Variants in PHF14 observed in about 807,000 individuals in gnomAD.
PHF14 encodes the protein PHD finger protein 14.
PHF14 carries 55 observed loss-of-function variants against 117.9 expected under a neutral mutation model. The ratio of observed to expected loss-of-function variants is 0.47; its 90% CI spans 0.38 to 0.58. PHF14 has a LOEUF of 0.58. Among genes scored for constraint, PHF14 ranks in the 20% least tolerant of loss-of-function variants. The probability of loss-of-function intolerance (pLI) is 0.00; values close to 1 mark genes in which losing one functional copy is unlikely to be tolerated. For missense variants in PHF14, 978 were observed against 1,122.2 expected (o/e 0.87, Z 1.84); for synonymous variants, 409 against 368.6 (o/e 1.11, Z -1.26).
chr7:10,995,378 A>G (rs1161802183), intron 4 of PHF14, among the ~76,000 whole-genome samples: 1 of 147,914 alleles, frequency 6.8e-6, no homozygotes, highest in Non-Finnish European at 1.5e-5. Flanking sequence ...TGATTGGTGT[A>G]TTTACAAACC....
chr7:11,131,217 T>TA (rs1788083071), intron 17 of PHF14, among the ~76,000 whole-genome samples: 1 of 151,888 alleles, frequency 6.6e-6, no homozygotes, highest in African/African-American at 2.4e-5. Flanking sequence ...TATGGGATCA[T>TA]ATGGTAAGAG....
intron 17 of PHF14, among the ~76,000 whole-genome samples, chr7:11,122,426 C>T (rs1244641185): frequency 8.0e-6 from 1 of 124,786 alleles, no homozygotes; most frequent in Non-Finnish European, 1.7e-5. Flanking sequence ...TATATATATA[C>T]ACGTATATAT....
intron 10 of PHF14, 103 bp from the exon 11 acceptor site, chr7:11,038,656 CA>C (rs371973677): frequency 0.1 from 21,545 of 207,832 alleles, 189 homozygotes; most frequent in Admixed American, 0.12. Context: ...GACTCTGTCT[CA>C]AAAAAAAAAA....
chr7:10,999,116 C>A (rs1782767382), intron 4 of PHF14, among the ~76,000 whole-genome samples: 1 of 152,136 alleles, frequency 6.6e-6, no homozygotes, highest in Non-Finnish European at 1.5e-5. Flanking sequence ...CTCAAACAAT[C>A]TTCTTGTTTC....
intron 16 of PHF14, among the ~76,000 whole-genome samples, chr7:11,068,687 G>A (rs1785506300): frequency 1.3e-5 from 2 of 152,152 alleles, no homozygotes; most frequent in African/African-American, 4.8e-5. Flanking sequence ...TCAATGCTAT[G>A]TATATTTTAC....
At chr7:11,072,057 G>A (rs560236846) in intron 16 of PHF14, among the ~76,000 whole-genome samples, 1 of 152,304 alleles carries the variant, frequency 6.6e-6, no homozygotes, top group Admixed American at 6.5e-5. Context: ...TTGCATAGCT[G>A]TAAAGAAATA....
intron 16 of PHF14, among the ~76,000 whole-genome samples, chr7:11,066,816 C>T (rs1404216906): frequency 6.6e-6 from 1 of 152,162 alleles, no homozygotes; most frequent in Admixed American, 6.5e-5. Context: ...CTTGATTACT[C>T]AGGCTGTGGA....
At chr7:10,983,455 T>C (rs187848626) in intron 3 of PHF14, among the ~76,000 whole-genome samples, 23 of 152,326 alleles carry the variant, frequency 1.5e-4, no homozygotes, top group South Asian at 4.1e-4. Context: ...TTCTCCTTTT[T>C]ATCCCTTTAC....
At chr7:11,148,703 C>CA (rs538067601) in intron 17 of PHF14, among the ~76,000 whole-genome samples, 133 of 152,246 alleles carry the variant, frequency 8.7e-4, no homozygotes, top group African/African-American at 3.1e-3. Flanking sequence ...ACATAATAGA[C>CA]ACACATTTGT....
chr7:11,147,614 A>G (rs1436051702), intron 17 of PHF14, among the ~76,000 whole-genome samples: 1 of 151,974 alleles, frequency 6.6e-6, no homozygotes, highest in Non-Finnish European at 1.5e-5. Context: ...TTCTTGAAAC[A>G]TTTTCTTTTC....
intron 16 of PHF14, chr7:11,107,746 C>G: frequency 1.2e-6 from 1 of 836,430 alleles, no homozygotes; most frequent in Non-Finnish European, 1.4e-6. Flanking sequence ...TGTTATATCC[C>G]TATACTTTTG....
intron 4 of PHF14, 63 bp from the exon 5 acceptor site, chr7:11,013,684 G>T: frequency 8.2e-6 from 7 of 852,684 alleles, no homozygotes; most frequent in Admixed American, 3.0e-5. Context: ...TTTTTCTTTT[G>T]TGATTTTATG....
At chr7:11,064,106 A>G (rs1007071036) in intron 16 of PHF14, among the ~76,000 whole-genome samples, 1 of 151,974 alleles carries the variant, frequency 6.6e-6, no homozygotes, top group Non-Finnish European at 1.5e-5. Flanking sequence ...TAAGCTGGAT[A>G]TAAAGCAATG....
At chr7:11,018,310 T>C (rs1783600649) in intron 5 of PHF14, among the ~76,000 whole-genome samples, 1 of 152,172 alleles carries the variant, frequency 6.6e-6, no homozygotes, top group Non-Finnish European at 1.5e-5. Context: ...TTGATAGGGA[T>C]TGCATTGAAT....
At chr7:11,147,807 G>A (rs1788590024) in intron 17 of PHF14, among the ~76,000 whole-genome samples, 1 of 152,068 alleles carries the variant, frequency 6.6e-6, no homozygotes, top group Non-Finnish European at 1.5e-5. Flanking sequence ...ACTTTTAAAT[G>A]TGTAATACCA....
At chr7:11,145,033 G>A (rs1203271615) in intron 17 of PHF14, among the ~76,000 whole-genome samples, 2 of 151,610 alleles carry the variant, frequency 1.3e-5, no homozygotes, top group East Asian at 3.9e-4. Context: ...TGATGGTGAT[G>A]GTTTCACAAC....
chr7:11,084,291 C>T (rs952112144), intron 16 of PHF14, among the ~76,000 whole-genome samples: 10 of 152,158 alleles, frequency 6.6e-5, no homozygotes, highest in African/African-American at 1.9e-4. Context: ...GCAATTAGAA[C>T]ATAAGTATTA....
intron 12 of PHF14, among the ~76,000 whole-genome samples, chr7:11,041,940 A>T (rs1415627701): frequency 6.6e-6 from 1 of 151,570 alleles, no homozygotes; most frequent in Non-Finnish European, 1.5e-5. Flanking sequence ...GTACTTTCCA[A>T]ATATAAATAT....
At chr7:11,136,445 G>A (rs1354956788) in intron 17 of PHF14, among the ~76,000 whole-genome samples, 1 of 152,000 alleles carries the variant, frequency 6.6e-6, no homozygotes, top group Non-Finnish European at 1.5e-5. Context: ...TAAAGTATCT[G>A]TACTATGAAT....
Sources: gnomAD v4.1 joint callset for allele counts (sites outside exome capture counted in the v4.1 genomes callset) on GRCh38, gnomAD v4.1.1 for gene constraint, MANE v1.5 for transcripts, NCBI Gene and HGNC (gene_info 2026-07-23, HGNC 2026-07-21) for gene names.